Variants in CXADR observed in about 807,000 individuals in gnomAD.
The protein encoded by CXADR is CXADR cell adhesion molecule.
Under a neutral mutation model 40.3 loss-of-function variants are expected in CXADR, and 20 were observed. That is an observed-to-expected ratio of 0.50 (90% confidence interval 0.35 to 0.72). CXADR has a LOEUF of 0.72. Ranked by LOEUF, CXADR falls within the 30% of genes least tolerant of loss-of-function variation. The pLI is 0.01. For missense variants in CXADR, 332 were observed against 449.1 expected (o/e 0.74, Z 2.36); for synonymous variants, 150 against 161.3 (o/e 0.93, Z 0.53).
In CXADR at chr21:17,565,547, A is replaced by G. The variant is rs764387038; in HGVS notation, c.953A>G (p.Tyr318Cys). Residue 318 changes from tyrosine to cysteine, a missense_variant, in exon 7 of 7, where the codon TAT becomes TGT. Around this residue, in one of 3 missense-constraint regions of CXADR, gnomAD observed 150 missense variants for 194.2 expected, o/e 0.77. Transcript: ENST00000284878. ...ATGGAAGGATATTCCAAGACTCAGT[A>G]TAACCAAGTACCAAGTGAAGACTTT... ...SNMEGYSKTQ[Y>C]NQVPSEDFER... The G allele has an allele frequency of 6.8e-6, 11 of 1,613,790 alleles. No individual in the cohort carries two copies.
downstream of CXADR, among the ~76,000 whole-genome samples, chr21:17,597,692 T>C (rs1601084341): frequency 6.6e-6 from 1 of 151,242 alleles, no homozygotes; most frequent in East Asian, 1.9e-4. Flanking sequence ...TCAGAAATAA[T>C]CTTCCCCTAA....
At chr21:17,532,161 GGGCCTA>G in intron 1 of CXADR, among the ~76,000 whole-genome samples, 1 of 151,918 alleles carries the variant, frequency 6.6e-6, no homozygotes, top group African/African-American at 2.4e-5. Flanking sequence ...TCAAACTCCT[GGGCCTA>G]AGCAGTCTTC....
At chr21:17,626,577 C>T in the CXADR span, among the ~76,000 whole-genome samples, 2 of 152,020 alleles carry the variant, frequency 1.3e-5, no homozygotes, top group Admixed American at 6.6e-5. Context: ...CTTTATCTGT[C>T]AAGGATATGC....
the CXADR span, among the ~76,000 whole-genome samples, chr21:17,600,696 GAAAAGA>G: frequency 6.6e-6 from 1 of 151,880 alleles, no homozygotes; most frequent in African/African-American, 2.4e-5. Context: ...TAAAAAAACA[GAAAAGA>G]AAATGTATGT....
intron 7 of CXADR, among the ~76,000 whole-genome samples, chr21:17,581,913 TG>T (rs36008212): frequency 1 from 152,047 of 152,048 alleles, 76,023 homozygotes; most frequent in Middle Eastern, 1. Flanking sequence ...CTGGCTAATT[TG>T]GGAGGAGTTT....
chr21:17,587,374 A>G lies in CXADR; in HGVS notation c.1018-5778A>G, dbSNP rs74975909. Among the ~76,000 whole-genome samples the G allele has an allele frequency of 1.4e-4, 21 of 152,084 alleles. No homozygotes were observed. In the East Asian group the frequency reaches 2.1e-3, roughly 15 times the overall value. On this transcript the variant is annotated intron_variant, in intron 7 of 7. Coordinates refer to the CXADR transcript ENST00000400169. ...CCACCAACAGTGTAAAAGTGTTCCT[A>G]TTTCTCCACATCCTCTCCAGCACCT...
At chr21:17,592,637 T>C (rs956567771) in intron 7 of CXADR, among the ~76,000 whole-genome samples, 7 of 151,882 alleles carry the variant, frequency 4.6e-5, no homozygotes, top group Non-Finnish European at 8.8e-5. Context: ...AATTTTTTTT[T>C]CCTTTTTTTC....
exon 8 of CXADR, chr21:17,593,307 G>T (rs190965254): frequency 4.9e-5 from 47 of 957,500 alleles, no homozygotes; most frequent in South Asian, 4.7e-5. Flanking sequence ...TAGAGCAGCT[G>T]TAAGAACACA....
At chr21:17,543,123 TATC>T (rs780314982) in intron 1 of CXADR, 18 of 308,670 alleles carry the variant, frequency 5.8e-5, no homozygotes, top group Middle Eastern at 8.7e-4. Context: ...CGTTTTAAAA[TATC>T]ATAAGCAGCA....
chr21:17,608,961 T>G, the CXADR span: 1 of 1,610,282 alleles, frequency 6.2e-7, no homozygotes, highest in Non-Finnish European at 8.5e-7. Flanking sequence ...TAATCCAATC[T>G]AATCCTTTAC....
chr21:17,602,680 A>C, the CXADR span, among the ~76,000 whole-genome samples: 1 of 152,230 alleles, frequency 6.6e-6, no homozygotes, highest in African/African-American at 2.4e-5. Context: ...ATAAATTAGA[A>C]GCCTACTGAA....
intron 1 of CXADR, among the ~76,000 whole-genome samples, chr21:17,524,313 C>T (rs930802350): frequency 1.3e-5 from 2 of 151,842 alleles, no homozygotes; most frequent in Non-Finnish European, 2.9e-5. Flanking sequence ...GTAATTCCAG[C>T]ACTTGTGGGA....
At chr21:17,604,247 T>C in the CXADR span, 32 of 448,696 alleles carry the variant, frequency 7.1e-5, no homozygotes. Flanking sequence ...TTGAGAGCAG[T>C]CTGGCCAACA....
chr21:17,559,497 T>C (rs2061079690), intron 4 of CXADR, among the ~76,000 whole-genome samples: 1 of 151,888 alleles, frequency 6.6e-6, no homozygotes, highest in Non-Finnish European at 1.5e-5. Flanking sequence ...CCTGCTTGTA[T>C]ATTGTAGATT....
chr21:17,598,295 A>G (rs1309718701), downstream of CXADR, among the ~76,000 whole-genome samples: 5 of 152,246 alleles, frequency 3.3e-5, no homozygotes, highest in Admixed American at 3.3e-4. Flanking sequence ...AAAGTGTTAC[A>G]TACTACAAAA....
At chr21:17,621,271 C>T in the CXADR span, among the ~76,000 whole-genome samples, 1 of 152,080 alleles carries the variant, frequency 6.6e-6, no homozygotes, top group African/African-American at 2.4e-5. Flanking sequence ...CCACATAAAG[C>T]ATGCTTTTAT....
intron 3 of CXADR, among the ~76,000 whole-genome samples, chr21:17,555,489 T>C (rs1416284086): frequency 2.0e-5 from 3 of 152,226 alleles, no homozygotes; most frequent in Non-Finnish European, 4.4e-5. Context: ...AATCATATTA[T>C]AATTATCAAA....
downstream of CXADR, among the ~76,000 whole-genome samples, chr21:17,572,430 A>C (rs1030952512): frequency 2.6e-5 from 4 of 152,122 alleles, no homozygotes; most frequent in Admixed American, 2.6e-4. Flanking sequence ...GTGAGGGGAA[A>C]GGCTGCACTT....
intron 1 of CXADR, among the ~76,000 whole-genome samples, chr21:17,537,870 G>A (rs1452775120): frequency 6.6e-6 from 1 of 152,108 alleles, no homozygotes; most frequent in Non-Finnish European, 1.5e-5. Context: ...AGTAAAGTGA[G>A]GAAAGTGCCC....
Sources: allele counts gnomAD v4.1 joint callset (sites outside exome capture counted in the v4.1 genomes callset), GRCh38; gene constraint gnomAD v4.1.1; regional missense constraint gnomAD v4.1.1; transcripts MANE v1.5; gene names NCBI Gene and HGNC (gene_info 2026-07-23, HGNC 2026-07-21).